EDA: variants seen among roughly 807,000 people sequenced by gnomAD.
EDA encodes ectodysplasin A.
In EDA, 2 loss-of-function variants were observed where a neutral mutation model predicts 23.6. The ratio of observed to expected loss-of-function variants is 0.08; its 90% confidence interval spans 0.03 to 0.27. EDA has a LOEUF of 0.27. Ranked by LOEUF, EDA falls within the 10% of genes least tolerant of loss-of-function variation. The pLI is 1.00. For missense variants in EDA, 229 were observed against 324.2 expected (o/e 0.71, Z 2.26); for synonymous variants, 131 against 132.0 (o/e 0.99, Z 0.05).
chrX:69,758,533 T>G (rs1355098024), intron 1 of EDA, among the ~76,000 whole-genome samples: 1 of 112,574 alleles, frequency 8.9e-6, no homozygotes, highest in Non-Finnish European at 1.9e-5. Flanking sequence ...AAGTACAAAC[T>G]TAAAGAAACA....
chrX:69,649,298 A>G (rs1445974815), intron 1 of EDA, among the ~76,000 whole-genome samples: 13 of 112,172 alleles, frequency 1.2e-4, no homozygotes. Flanking sequence ...ATGTGTGCAT[A>G]TAAATGTGAA....
At chrX:69,998,215 G>A (rs1253542544) in intron 2 of EDA, among the ~76,000 whole-genome samples, 1 of 112,338 alleles carries the variant, frequency 8.9e-6, no homozygotes, top group Non-Finnish European at 1.9e-5. Context: ...CACAGGGGTG[G>A]AGCTGCCCAA....
intron 1 of EDA, among the ~76,000 whole-genome samples, chrX:69,696,500 C>A: frequency 8.9e-6 from 1 of 111,774 alleles, no homozygotes; most frequent in Non-Finnish European, 1.9e-5. Context: ...AACAATCAAT[C>A]ATTCTACTTT....
At chrX:69,679,219 T>A (rs1300432106) in intron 1 of EDA, among the ~76,000 whole-genome samples, 5 of 107,015 alleles carry the variant, frequency 4.7e-5, no homozygotes, top group Admixed American at 1.0e-4. Context: ...CTGGATTCGG[T>A]TTGCCAGTAT....
intron 2 of EDA, among the ~76,000 whole-genome samples, chrX:69,983,978 G>A (rs1297789591): frequency 1.9e-4 from 19 of 101,968 alleles, no homozygotes; most frequent in East Asian, 1.3e-3. Flanking sequence ...ACTCAAAGCC[G>A]CTCCACTACA....
At chrX:69,702,447 A>T (rs762818530) in intron 1 of EDA, among the ~76,000 whole-genome samples, 11 of 110,637 alleles carry the variant, frequency 9.9e-5, no homozygotes, top group African/African-American at 3.6e-4. Flanking sequence ...GGTGTAGGAA[A>T]AGAAGTGGAT....
chrX:69,894,959 G>A (rs1274906549), intron 1 of EDA, among the ~76,000 whole-genome samples: 6 of 111,348 alleles, frequency 5.4e-5, no homozygotes, highest in Non-Finnish European at 9.4e-5. Flanking sequence ...TAGGAGTGGA[G>A]AGAGAGAGGG....
intron 1 of EDA, among the ~76,000 whole-genome samples, chrX:69,916,597 G>A (rs1276784042): frequency 9.2e-6 from 1 of 108,907 alleles, no homozygotes; most frequent in East Asian, 2.9e-4. Context: ...AGTAGAGACA[G>A]GGTTTCACTG....
In EDA at chrX:69,622,074, TG is replaced by T. The variant is rs749306771; in HGVS notation, c.396+5371del. 5.4e-3 allele frequency among the ~76,000 whole-genome samples: 602 copies of T among 111,950 alleles called. 2 individuals carry two copies. The highest frequency in any genetic ancestry group is 0.014 in the Middle Eastern group (3 of 218). ...ATGCCCAGCCATTTATTTGTATTTT[TG>T]TATATTATTTCGTTGCTCGAATATA... is the stretch of plus-strand genomic sequence containing the variant. On this transcript the variant is annotated intron_variant, in intron 1 of 7. Coordinates refer to ENST00000374552, the MANE Select transcript of EDA (RefSeq NM_001399.5).
chrX:69,742,343 G>C (rs2013485229), intron 1 of EDA, among the ~76,000 whole-genome samples: 1 of 111,507 alleles, frequency 9.0e-6, no homozygotes, highest in African/African-American at 3.3e-5. Context: ...ATGGAACTCT[G>C]TGTTTTTGGC....
intron 4 of EDA, 59 bp downstream of exon 4, chrX:70,028,095 G>A: frequency 1.7e-6 from 2 of 1,172,378 alleles, no homozygotes; most frequent in East Asian, 3.2e-5. Context: ...AGGAGAGCAG[G>A]AGTGGGTGAT....
intron 1 of EDA, among the ~76,000 whole-genome samples, chrX:69,897,465 C>T (rs2147639120): frequency 8.9e-6 from 1 of 112,060 alleles, no homozygotes; most frequent in Non-Finnish European, 1.9e-5. Flanking sequence ...ATGTTTAAGA[C>T]ATTTATTAAA....
intron 1 of EDA, among the ~76,000 whole-genome samples, chrX:69,718,301 T>C (rs1366276887): frequency 9.0e-6 from 1 of 111,417 alleles, no homozygotes; most frequent in Non-Finnish European, 1.9e-5. Flanking sequence ...GCCTTTTTTT[T>C]CTTGTCTTAT....
intron 1 of EDA, among the ~76,000 whole-genome samples, chrX:69,697,139 C>G (rs1051669270): frequency 4.5e-5 from 5 of 111,790 alleles, no homozygotes; most frequent in Non-Finnish European, 7.5e-5. Flanking sequence ...TGCAGACGGG[C>G]TGAGACCTAA....
At chrX:69,866,540 A>T (rs2017488644) in intron 1 of EDA, among the ~76,000 whole-genome samples, 1 of 111,384 alleles carries the variant, frequency 9.0e-6, no homozygotes, top group South Asian at 3.9e-4. Flanking sequence ...TTGCTAGTGG[A>T]TCACTAGGGG....
Position 69,616,671 on chromosome X carries a change from C to A in EDA, c.363C>A (p.Ala121=). 1 of 1,211,698 alleles carries A rather than the reference C, an allele frequency of 8.3e-7. No individual in the cohort carries two copies. Among genetic ancestry groups the A allele is most frequent in the African/African-American group, 1.7e-5 (1 of 57,846 alleles). ...PKQQPLEPGE[A]ALHSDSQDGH... ...AGCAGCCATTGGAACCGGGAGAAGC[C>A]GCACTCCACTCTGACTCCCAGGACG... The change falls in exon 1 of 8, where the codon GCC becomes GCA. Residue 121 remains alanine, a synonymous_variant. Coordinates refer to ENST00000374552, the MANE Select transcript of EDA (RefSeq NM_001399.5).
At chrX:69,841,891 A>G (rs2016902542) in intron 1 of EDA, among the ~76,000 whole-genome samples, 1 of 112,436 alleles carries the variant, frequency 8.9e-6, no homozygotes, top group South Asian at 3.7e-4. Flanking sequence ...GGCTAAATGT[A>G]GTCCTACCTA....
intron 1 of EDA, among the ~76,000 whole-genome samples, chrX:69,774,502 A>T (rs1337697296): frequency 9.0e-6 from 1 of 111,722 alleles, no homozygotes; most frequent in African/African-American, 3.3e-5. Context: ...CAGACTCTGG[A>T]GAGTTATTAT....
intron 1 of EDA, among the ~76,000 whole-genome samples, chrX:69,837,230 A>G (rs150399592): frequency 0.014 from 1,535 of 111,733 alleles, 19 homozygotes; most frequent in African/African-American, 0.045. Context: ...AAAGGTGACT[A>G]CACAGTTAAA....
Sources: allele counts gnomAD v4.1 joint callset (sites outside exome capture counted in the v4.1 genomes callset), GRCh38; gene constraint gnomAD v4.1.1; transcripts MANE v1.5; gene names NCBI Gene and HGNC (gene_info 2026-07-23, HGNC 2026-07-21).